The following BBX variants were observed in gnomAD, a reference collection of about 807,000 sequenced individuals.
BBX encodes BBX high mobility group box domain containing.
BBX carries 30 observed loss-of-function variants against 100.2 expected under a neutral mutation model. The observed-to-expected ratio is 0.30, with a 90% CI of 0.22 to 0.41. The LOEUF is 0.41. BBX is among the 10% of genes least tolerant of loss of function. The pLI is 1.00. For synonymous variants in BBX, 376 were observed against 388.1 expected, an observed-to-expected ratio of 0.97 and a Z score of 0.37; for missense variants, 1,023 against 1,129.8, an observed-to-expected ratio of 0.91 and a Z score of 1.35.
chr3:107,602,998 C>T (rs2054166533), intron 2 of BBX, among the ~76,000 whole-genome samples: 1 of 152,228 alleles, frequency 6.6e-6, no homozygotes. Context: ...GAGTCTCGTT[C>T]TGTCATTCAG....
intron 15 of BBX, among the ~76,000 whole-genome samples, chr3:107,794,832 A>G (rs1342896749): frequency 6.6e-6 from 1 of 152,166 alleles, no homozygotes; most frequent in African/African-American, 2.4e-5. Flanking sequence ...GGGGTACAAT[A>G]CAAGAGCAAT....
intron 2 of BBX, among the ~76,000 whole-genome samples, chr3:107,609,563 G>A (rs2054687496): frequency 6.6e-6 from 1 of 151,978 alleles, no homozygotes; most frequent in South Asian, 2.1e-4. Flanking sequence ...CTTGTTATTG[G>A]TCTCTTCAGG....
intron 9 of BBX, among the ~76,000 whole-genome samples, chr3:107,750,445 A>T (rs2064991671): frequency 6.6e-6 from 1 of 152,238 alleles, no homozygotes; most frequent in Non-Finnish European, 1.5e-5. Flanking sequence ...TCCCTACAAG[A>T]TATAACTTTT....
intron 1 of BBX, 101 bp from the exon 2 acceptor site, chr3:107,526,226 G>T (rs998488247): frequency 1.5e-5 from 6 of 397,720 alleles, no homozygotes; most frequent in Non-Finnish European, 2.7e-5. Flanking sequence ...CTGGACTCCT[G>T]GGTTTTGGTA....
At chr3:107,695,048 T>G (rs1473405576) in intron 3 of BBX, among the ~76,000 whole-genome samples, 1 of 149,028 alleles carries the variant, frequency 6.7e-6, no homozygotes, top group East Asian at 1.9e-4. Flanking sequence ...GATATCCCCT[T>G]TATCATTTTT....
At chr3:107,613,943 T>G (rs1196846825) in intron 2 of BBX, among the ~76,000 whole-genome samples, 5 of 104,218 alleles carry the variant, frequency 4.8e-5, no homozygotes, top group Non-Finnish European at 9.2e-5. Flanking sequence ...ATACCATGGT[T>G]TTTTTTTTTT....
intron 3 of BBX, among the ~76,000 whole-genome samples, chr3:107,654,449 G>T (rs1210642110): frequency 6.6e-6 from 1 of 151,312 alleles, no homozygotes; most frequent in Non-Finnish European, 1.5e-5. Flanking sequence ...TTTTTTACTG[G>T]CTTTCTGCTA....
chr3:107,578,889 A>G (rs937929756), intron 2 of BBX, among the ~76,000 whole-genome samples: 2 of 152,296 alleles, frequency 1.3e-5, no homozygotes, highest in African/African-American at 4.8e-5. Context: ...AGAGTAGAAG[A>G]AGGCAGTTGC....
chr3:107,577,618 A>G (rs539194104), intron 2 of BBX, among the ~76,000 whole-genome samples: 62 of 152,334 alleles, frequency 4.1e-4, no homozygotes, highest in African/African-American at 1.3e-3. Flanking sequence ...GAGGTAAGAC[A>G]TATAAATGGC....
chr3:107,529,037 T>G (rs1307418779), intron 2 of BBX, among the ~76,000 whole-genome samples: 1 of 152,224 alleles, frequency 6.6e-6, no homozygotes, highest in Non-Finnish European at 1.5e-5. Context: ...AAAAAAGAAC[T>G]TTTTGAAAAC....
At chr3:107,792,230 T>C (rs2069136237) in intron 15 of BBX, among the ~76,000 whole-genome samples, 1 of 152,250 alleles carries the variant, frequency 6.6e-6, no homozygotes. Context: ...GCAGATATTT[T>C]AAAAGAGCTG....
At chr3:107,646,702 T>C (rs661276) in intron 3 of BBX, among the ~76,000 whole-genome samples, 76,296 of 151,908 alleles carry the variant, frequency 0.5, 20,358 homozygotes, top group East Asian at 0.92. Context: ...TGAATTAAAA[T>C]GAGCAAATAT....
chr3:107,641,379 C>T (rs1195288976), intron 2 of BBX, among the ~76,000 whole-genome samples: 1 of 152,162 alleles, frequency 6.6e-6, no homozygotes, highest in African/African-American at 2.4e-5. Flanking sequence ...GCCACCAAGC[C>T]TTGCCGGTCA....
intron 2 of BBX, among the ~76,000 whole-genome samples, chr3:107,595,929 A>G (rs757513563): frequency 9.2e-5 from 14 of 152,168 alleles, no homozygotes; most frequent in Non-Finnish European, 2.1e-4. Flanking sequence ...GCTAACATAT[A>G]ATTAGACTAG....
intron 2 of BBX, among the ~76,000 whole-genome samples, chr3:107,536,398 A>G (rs559607241): frequency 9.2e-5 from 14 of 152,164 alleles, no homozygotes; most frequent in African/African-American, 3.1e-4. Context: ...ACCCTGATCC[A>G]TGAAACATGG....
At chr3:107,731,178 A>G (rs2063293118) in intron 6 of BBX, among the ~76,000 whole-genome samples, 1 of 152,220 alleles carries the variant, frequency 6.6e-6, no homozygotes, top group Admixed American at 6.5e-5. Flanking sequence ...GAATTAATAT[A>G]AAGGATATTG....
intron 9 of BBX, among the ~76,000 whole-genome samples, chr3:107,751,945 T>A (rs939405907): frequency 6.6e-6 from 1 of 152,212 alleles, no homozygotes; most frequent in Non-Finnish European, 1.5e-5. Flanking sequence ...CAGTTACTTT[T>A]TAGGTCTGGT....
At chr3:107,778,977 C>T (rs2067564135) in intron 13 of BBX, among the ~76,000 whole-genome samples, 1 of 109,788 alleles carries the variant, frequency 9.1e-6, no homozygotes, top group African/African-American at 4.0e-5. Flanking sequence ...ATAAAACTAC[C>T]TGAAATCCTC....
At chr3:107,657,321 A>G (rs147827684) in intron 3 of BBX, 1 of 152,326 alleles carries the variant, frequency 6.6e-6, no homozygotes, top group Non-Finnish European at 1.5e-5. Flanking sequence ...TTTACGGGGC[A>G]AAAGTTAATG....
Sources: allele counts gnomAD v4.1 joint callset (sites outside exome capture counted in the v4.1 genomes callset), GRCh38; gene constraint gnomAD v4.1.1; transcripts MANE v1.5; gene names NCBI Gene and HGNC (gene_info 2026-07-23, HGNC 2026-07-21).